Variants in AKAP6 observed in about 807,000 individuals in gnomAD.
AKAP6 encodes A-kinase anchor protein 6.
AKAP6 carries 58 observed loss-of-function variants against 188.5 expected under a neutral mutation model. That is an observed-to-expected ratio of 0.31 (90% CI 0.25 to 0.38). The LOEUF is 0.38. Among genes scored for constraint, AKAP6 ranks in the 10% least tolerant of loss-of-function variants. AKAP6 has a pLI of 1.00. For synonymous variants in AKAP6, 989 were observed against 998.6 expected (o/e 0.99, Z 0.18); for missense variants, 2,710 against 2,740.0 (o/e 0.99, Z 0.24).
chr14:32,671,093 T>C (rs949219653), intron 7 of AKAP6, among the ~76,000 whole-genome samples: 1 of 152,074 alleles, frequency 6.6e-6, no homozygotes, highest in Non-Finnish European at 1.5e-5. Context: ...ATGTGATAAG[T>C]ATGTAGGAAA....
chr14:32,617,520 C>T (rs1166776775), intron 7 of AKAP6, among the ~76,000 whole-genome samples: 2 of 152,228 alleles, frequency 1.3e-5, no homozygotes, highest in African/African-American at 2.4e-5. Flanking sequence ...CACTGCAATG[C>T]TCAGCGTAAT....
chr14:32,390,871 G>A (rs1317525700), intron 1 of AKAP6, among the ~76,000 whole-genome samples: 1 of 152,112 alleles, frequency 6.6e-6, no homozygotes, highest in Non-Finnish European at 1.5e-5. Flanking sequence ...TCCATATGCT[G>A]CTCTGTCCAT....
At chr14:32,410,072 T>A (rs1346960828) in intron 1 of AKAP6, among the ~76,000 whole-genome samples, 1 of 152,174 alleles carries the variant, frequency 6.6e-6, no homozygotes, top group East Asian at 1.9e-4. Flanking sequence ...ATATATTTCC[T>A]TGTCATATCT....
Position 32,813,501 on chromosome 14 carries a change from C to G in AKAP6, c.3589-7901C>G, listed in dbSNP as rs549389450. ...CCCCAACCTGAGGCTATCTCAGGAC[C>G]CTGCCCTAAATTTTCTCATTAGCAT... On this transcript the variant is annotated intron_variant, in intron 12 of 13. Coordinates refer to ENST00000280979, the MANE Select transcript of AKAP6 (RefSeq NM_004274.5). Among the ~76,000 whole-genome samples the G allele has an allele frequency of 1.4e-3, 212 of 150,698 alleles. 2 individuals carry two copies. Among genetic ancestry groups the G allele is most frequent in the African/African-American group, 4.9e-3 (200 of 41,122 alleles).
chr14:32,822,803 C>A lies in AKAP6; in HGVS notation c.4990C>A (p.Gln1664Lys). The A allele has an allele frequency of 1.2e-6, 2 of 1,613,896 alleles. No individual in the cohort carries two copies. The highest frequency in any genetic ancestry group is 1.7e-6 in the Non-Finnish European group (2 of 1,179,934). ...VSDITLQSSS[Q>K]KMSFTGQMSL... ...TGATATCACTCTTCAAAGCAGTTCC[C>A]AAAAGATGTCCTTTACTGGCCAGAT... Residue 1664 changes from glutamine (Q) to lysine (K), a missense_variant, in exon 13 of 14, where the codon CAA becomes AAA. By Grantham distance (53) the Gln-to-Lys change is moderately conservative. Coordinates refer to ENST00000280979, the MANE Select transcript of AKAP6 (RefSeq NM_004274.5).
At chr14:32,614,776 C>A (rs1886490685) in intron 7 of AKAP6, among the ~76,000 whole-genome samples, 1 of 152,100 alleles carries the variant, frequency 6.6e-6, no homozygotes, top group African/African-American at 2.4e-5. Context: ...GTCCATGAGG[C>A]AACCATAAGG....
At chr14:32,555,056 T>C (rs1194202371) in intron 4 of AKAP6, among the ~76,000 whole-genome samples, 1 of 152,252 alleles carries the variant, frequency 6.6e-6, no homozygotes, top group Non-Finnish European at 1.5e-5. Flanking sequence ...TATTTTGTCC[T>C]AGAGACATCT....
chr14:32,657,170 A>G (rs1338661461), intron 7 of AKAP6, among the ~76,000 whole-genome samples: 1 of 152,156 alleles, frequency 6.6e-6, no homozygotes, highest in Non-Finnish European at 1.5e-5. Flanking sequence ...GACATAGGGA[A>G]AAAGGTCAAG....
intron 12 of AKAP6, among the ~76,000 whole-genome samples, chr14:32,786,175 T>A (rs2033394983): frequency 6.6e-6 from 1 of 152,088 alleles, no homozygotes; most frequent in African/African-American, 2.4e-5. Context: ...AACACTTTGT[T>A]CTGTAACCAT....
At chr14:32,562,894 A>G (rs1280754027) in intron 4 of AKAP6, among the ~76,000 whole-genome samples, 1 of 152,148 alleles carries the variant, frequency 6.6e-6, no homozygotes, top group Non-Finnish European at 1.5e-5. Flanking sequence ...CTAAAGTTTT[A>G]TATTGTTTGG....
chr14:32,430,783 A>C (rs1446790088), intron 1 of AKAP6, among the ~76,000 whole-genome samples: 1 of 152,124 alleles, frequency 6.6e-6, no homozygotes, highest in East Asian at 1.9e-4. Flanking sequence ...CCCAGAGGGC[A>C]GTGGGTCGAT....
In AKAP6 at chr14:32,756,781, G is replaced by A. The variant is rs57665853; in HGVS notation, c.3373-16897G>A. On this transcript the variant is annotated intron_variant, in intron 11 of 13. Transcript: ENST00000280979. ...GGGTCTCCTGGGATGGGTTTTGACT[G>A]TGAGTCCATTGCAGTGTGATGCTGC... Among the ~76,000 whole-genome samples, 654 of 152,110 alleles carry A rather than the reference G, an allele frequency of 4.3e-3. 2 individuals carry two copies. Among genetic ancestry groups the A allele is most frequent in the African/African-American group, 0.015 (623 of 41,480 alleles).
In AKAP6 at chr14:32,546,311, C is replaced by T; in HGVS notation, c.1658C>T (p.Ser553Leu). ...CAAACAAATTCTGCTTCCACATCCT[C>T]ACTTGAGCCTTGTAATCAGAGAAGT... The part of the protein sequence containing the change: ...GPQTNSASTS[S>L]LEPCNQRSWN... Residue 553 changes from serine (S) to leucine (L), a missense_variant, in exon 4 of 14, where the codon TCA becomes TTA. Ser to Leu is a moderately radical substitution (Grantham distance 145). Coordinates refer to ENST00000280979, the MANE Select transcript of AKAP6 (RefSeq NM_004274.5). 1 of 1,614,214 alleles carries T rather than the reference C, an allele frequency of 6.2e-7. No homozygotes were observed. The highest frequency in any genetic ancestry group is 8.5e-7 in the Non-Finnish European group (1 of 1,180,028).
In AKAP6 at chr14:32,732,492, G is replaced by T. The variant is rs930945836; in HGVS notation, c.3039G>T (p.Lys1013Asn). 4 of 1,613,338 alleles carry T rather than the reference G, an allele frequency of 2.5e-6. No homozygotes were observed. The African/African-American group carries it at 4.0e-5, about 16-fold the overall frequency. The change falls in exon 10 of 14, where the codon AAG (lysine) becomes AAT (asparagine). Residue 1013 changes from lysine (K) to asparagine (N), a missense_variant. By Grantham distance (94) the Lys-to-Asn change is moderately conservative. Transcript: ENST00000280979. ...SVEMSIRHLK[K>N]TELLSKVEAL... Reference sequence around the variant, plus strand: ...AAATGTCCATCAGACACCTGAAAAAGACGGAGCTGCTTAGTAAGGTTGAAG... The same window carrying T: ...AAATGTCCATCAGACACCTGAAAAATACGGAGCTGCTTAGTAAGGTTGAAG...
intron 4 of AKAP6, among the ~76,000 whole-genome samples, chr14:32,557,800 A>G (rs1335090582): frequency 2.0e-5 from 3 of 151,856 alleles, no homozygotes; most frequent in Non-Finnish European, 4.4e-5. Context: ...TCTTCCTTTT[A>G]TCTTCTTTCC....
chr14:32,350,702 A>G (rs1412094473), intron 1 of AKAP6, among the ~76,000 whole-genome samples: 1 of 152,168 alleles, frequency 6.6e-6, no homozygotes, highest in Non-Finnish European at 1.5e-5. Context: ...TCTCTGTACT[A>G]TCTTTGCAGC....
chr14:32,472,204 C>T (rs895632759), intron 2 of AKAP6, among the ~76,000 whole-genome samples: 2 of 152,038 alleles, frequency 1.3e-5, no homozygotes, highest in African/African-American at 4.8e-5. Context: ...TAAAGTGGCT[C>T]CCCTTTTCCC....
intron 7 of AKAP6, among the ~76,000 whole-genome samples, chr14:32,653,991 A>C (rs987938796): frequency 4.6e-5 from 7 of 152,164 alleles, no homozygotes; most frequent in Non-Finnish European, 1.0e-4. Context: ...GTCTTGGGCC[A>C]TTTGGGTTCT....
Position 32,822,511 on chromosome 14 carries a change from A to G in AKAP6, c.4698A>G (p.Ser1566=). 1 of 1,614,062 alleles carries G rather than the reference A, an allele frequency of 6.2e-7. No homozygotes were observed. Among genetic ancestry groups the G allele is most frequent in the South Asian group, 1.1e-5 (1 of 91,082 alleles). Residue 1566 remains serine, a synonymous_variant, in exon 13 of 14, where the codon TCA becomes TCG. Transcript: ENST00000280979. The stretch of plus-strand genomic sequence containing the variant: ...AGCTCTCCCTTTTATCTCATAGTTC[A>G]TCTATTGAGTCCCTTTCTCCAGGGG... The part of the protein sequence containing the change: ...AKQLSLLSHS[S]SIESLSPGGD...
Sources: gnomAD v4.1 joint callset for allele counts (sites outside exome capture counted in the v4.1 genomes callset) on GRCh38, gnomAD v4.1.1 for gene constraint, MANE v1.5 for transcripts, NCBI Gene and HGNC (gene_info 2026-07-23, HGNC 2026-07-21) for gene names.